TBC1D22B: variants seen among roughly 807,000 people sequenced by gnomAD.
TBC1D22B encodes TBC1 domain family member 22B.
Under a neutral mutation model 69.1 loss-of-function variants are expected in TBC1D22B, and 32 were observed. That is an observed-to-expected ratio of 0.46 (90% CI 0.35 to 0.62). The LOEUF (loss-of-function observed/expected upper bound fraction) is 0.62. TBC1D22B is among the 20% of genes least tolerant of loss of function. The probability of loss-of-function intolerance (pLI) is 0.00; values close to 1 mark genes in which losing one functional copy is unlikely to be tolerated. For missense variants in TBC1D22B, 462 were observed against 630.9 expected, an observed-to-expected ratio of 0.73 and a Z score of 2.87; for synonymous variants, 206 against 229.8, an observed-to-expected ratio of 0.90 and a Z score of 0.94.
At chr6:37,284,668 A>G (rs1022020154) in intron 6 of TBC1D22B, among the ~76,000 whole-genome samples, 3 of 152,172 alleles carry the variant, frequency 2.0e-5, no homozygotes, top group African/African-American at 7.2e-5. Context: ...CTTTTTTGGC[A>G]CTAGTCAGTG....
chr6:37,270,170 G>A (rs1284832907), intron 2 of TBC1D22B, among the ~76,000 whole-genome samples: 2 of 152,130 alleles, frequency 1.3e-5, no homozygotes, highest in Non-Finnish European at 2.9e-5. Flanking sequence ...AGCTATTTAG[G>A]GCTGGGCATG....
At chr6:37,301,733 A>T (rs1767578344) in intron 8 of TBC1D22B, among the ~76,000 whole-genome samples, 1 of 152,200 alleles carries the variant, frequency 6.6e-6, no homozygotes, top group South Asian at 2.1e-4. Context: ...GCCAGCAAGC[A>T]TCATTTTTTT....
chr6:37,291,783 A>G (rs1767195339), intron 8 of TBC1D22B, among the ~76,000 whole-genome samples: 1 of 152,190 alleles, frequency 6.6e-6, no homozygotes, highest in Non-Finnish European at 1.5e-5. Context: ...TGGCACCAGA[A>G]CACAGCACAT....
At chr6:37,280,534 G>A (rs1039861881) in intron 3 of TBC1D22B, among the ~76,000 whole-genome samples, 1 of 152,228 alleles carries the variant, frequency 6.6e-6, no homozygotes, top group Non-Finnish European at 1.5e-5. Context: ...TAGGCATTCA[G>A]TGTTACTGGA....
chr6:37,285,220 C>G (rs942383392), intron 6 of TBC1D22B, among the ~76,000 whole-genome samples: 2 of 151,462 alleles, frequency 1.3e-5, no homozygotes. Context: ...TGGGAAATCC[C>G]TGAGTTGAAA....
Position 37,272,295 on chromosome 6 carries a change from G to C in TBC1D22B, c.113+2645G>C, listed in dbSNP as rs182517929. 3.3e-3 allele frequency among the ~76,000 whole-genome samples: 493 copies of C among 151,650 alleles called. 1 individual carries two copies. Among genetic ancestry groups the C allele is most frequent in the Non-Finnish European group, 5.5e-3 (374 of 67,924 alleles). ...GCCCAGGCTGGTCTTGAACCCCTTG[G>C]CTGAAGTGATCTGCCTGCCTCGGCC... is the stretch of plus-strand genomic sequence containing the variant. On this transcript the variant is annotated intron_variant, in intron 2 of 12. Coordinates refer to ENST00000373491, the MANE Select transcript of TBC1D22B (RefSeq NM_017772.4).
At chr6:37,313,784 C>T (rs143218267) in intron 9 of TBC1D22B, 32 bp from the exon 10 acceptor site, 7 of 1,604,508 alleles carry the variant, frequency 4.4e-6, no homozygotes, top group African/African-American at 4.0e-5. Context: ...AGTTAGAGTC[C>T]ATGTTCATCC....
intron 2 of TBC1D22B, among the ~76,000 whole-genome samples, chr6:37,270,530 C>G (rs954021551): frequency 5.3e-5 from 8 of 152,178 alleles, no homozygotes. Context: ...AAATTATTTT[C>G]AAGCACAACA....
intron 1 of TBC1D22B, among the ~76,000 whole-genome samples, chr6:37,267,490 A>AATATATATATACACTATATATATAAT (rs78675421): frequency 0.018 from 176 of 9,614 alleles, 3 homozygotes; most frequent in African/African-American, 0.014. Flanking sequence ...CACTATATAT[A>AATATATATATACACTATATATATAAT]ATATATATAC....
At chr6:37,273,183 C>CAAAAAAAAAAAAA (rs58720560) in intron 2 of TBC1D22B, among the ~76,000 whole-genome samples, 1 of 77,272 alleles carries the variant, frequency 1.3e-5, no homozygotes. Context: ...AACCCCGAGG[C>CAAAAAAAAAAAAA]AAAAAAAAAA....
Position 37,320,604 on chromosome 6 carries a change from A to G in TBC1D22B, c.1389+3398A>G, listed in dbSNP as rs1324974361. Reference sequence around the variant, plus strand: ...ACCATACAAGGTTCATACTGAGGGAAACTGGTTTGGAGAGGAGGCATCAGA... The same window carrying G: ...ACCATACAAGGTTCATACTGAGGGAGACTGGTTTGGAGAGGAGGCATCAGA... On this transcript the variant is annotated intron_variant, in intron 12 of 12. Coordinates refer to ENST00000373491, the MANE Select transcript of TBC1D22B (RefSeq NM_017772.4). Among the ~76,000 whole-genome samples the G allele has an allele frequency of 7.2e-5, 11 of 152,266 alleles. No individual in the cohort carries two copies. In the East Asian group the frequency reaches 1.5e-3, roughly 21 times the overall value.
chr6:37,318,843 G>A (rs1192085315), intron 12 of TBC1D22B, among the ~76,000 whole-genome samples: 1 of 152,178 alleles, frequency 6.6e-6, no homozygotes, highest in Non-Finnish European at 1.5e-5. Context: ...CATTAGGGTT[G>A]GGGGTGGCGA....
intron 3 of TBC1D22B, among the ~76,000 whole-genome samples, chr6:37,279,860 CCTCTT>C (rs1766773345): frequency 6.6e-6 from 1 of 152,256 alleles, no homozygotes; most frequent in Non-Finnish European, 1.5e-5. Flanking sequence ...TTGCCATTCT[CCTCTT>C]CTCTTCTTCC....
chr6:37,310,915 G>A lies in TBC1D22B; in HGVS notation c.983-2003G>A, dbSNP rs73422002. On this transcript the variant is annotated intron_variant, in intron 8 of 12. Transcript: ENST00000373491. ...TTTAAGAAAATAAAATCCTTCATTC[G>A]TACCACCTGGGGAATAAATACTGTA... Among the ~76,000 whole-genome samples, 621 of 152,192 alleles carry A rather than the reference G, an allele frequency of 4.1e-3. 5 individuals carry two copies. Among genetic ancestry groups the A allele is most frequent in the African/African-American group, 0.014 (578 of 41,522 alleles).
intron 7 of TBC1D22B, among the ~76,000 whole-genome samples, chr6:37,288,684 A>G (rs1246143775): frequency 2.6e-5 from 4 of 151,116 alleles, no homozygotes; most frequent in African/African-American, 7.3e-5. Flanking sequence ...CAAAGCTGCA[A>G]TGAGCCATGA....
Position 37,257,831 on chromosome 6 carries a change from TG to T in TBC1D22B, c.-84del. The T allele has an allele frequency of 4.7e-6, 7 of 1,478,276 alleles. No homozygotes were observed. In the South Asian group the frequency reaches 8.6e-5, roughly 18 times the overall value. 91.6% of individuals were successfully genotyped at this position (1,478,276 alleles called of 1,614,324 possible). ...GGTGACCGGCGGCGGGGAAGCGGCC[TG>T]GGTTGGCCCTCAGATTGCGGGGTCT... On this transcript the variant is annotated 5_prime_UTR_variant, in exon 1 of 13. Transcript: ENST00000373491.
chr6:37,316,207 A>G (rs892375782), intron 10 of TBC1D22B, among the ~76,000 whole-genome samples: 3 of 152,224 alleles, frequency 2.0e-5, no homozygotes, highest in Admixed American at 1.3e-4. Flanking sequence ...GAATCACTTC[A>G]TACATCAGTG....
chr6:37,303,413 T>C (rs1253709549), intron 8 of TBC1D22B, among the ~76,000 whole-genome samples: 3 of 152,224 alleles, frequency 2.0e-5, no homozygotes, highest in Non-Finnish European at 4.4e-5. Context: ...AAAGCTCTGG[T>C]GATTTTACGT....
At chr6:37,272,364 CT>C (rs765434196) in intron 2 of TBC1D22B, among the ~76,000 whole-genome samples, 2,472 of 135,626 alleles carry the variant, frequency 0.018, 35 homozygotes, top group African/African-American at 0.049. Flanking sequence ...TATGTCCAGC[CT>C]TTTTTTTTTT....
Sources: allele counts gnomAD v4.1 joint callset (sites outside exome capture counted in the v4.1 genomes callset), GRCh38; gene constraint gnomAD v4.1.1; transcripts MANE v1.5; gene names NCBI Gene and HGNC (gene_info 2026-07-23, HGNC 2026-07-21).